ANKDD1B: variants seen among roughly 807,000 people sequenced by gnomAD.
ANKDD1B encodes ankyrin repeat and death domain containing 1B, also known as ankyrin repeat and death domain-containing protein 1B.
A neutral mutation model predicts 59.7 loss-of-function variants in ANKDD1B; 57 were observed. The ratio of observed to expected loss-of-function variants is 0.95; its 90% CI spans 0.77 to 1.19. The LOEUF (loss-of-function observed/expected upper bound fraction) is 1.19, where lower values mean the gene tolerates loss of function less well. Ranked by LOEUF, ANKDD1B falls within the 50% of genes most tolerant of loss-of-function variation. The probability of loss-of-function intolerance (pLI) is 0.00; values close to 1 mark genes in which losing one functional copy is unlikely to be tolerated. For synonymous variants in ANKDD1B, 216 were observed against 239.5 expected (o/e 0.90, Z 0.91); for missense variants, 602 against 641.9 (o/e 0.94, Z 0.67).
intron 11 of ANKDD1B, among the ~76,000 whole-genome samples, chr5:75,663,953 C>CA (rs1256318571): frequency 6.6e-6 from 1 of 152,306 alleles, no homozygotes; most frequent in East Asian, 1.9e-4. Context: ...TCTAAGAACA[C>CA]AAAAAAACTT....
rs1164054693 is a variant in ANKDD1B at position 75,632,100 on chromosome 5, CTG to C, written c.601-2796_601-2795del. On this transcript the variant is annotated intron_variant, in intron 5 of 13. Transcript: ENST00000601380. ...GCAGCCTGGGCAACAGAGCAAAACT[CTG>C]TCTCAAAAAAAAAAAAAAAAAGAAG... Among the ~76,000 whole-genome samples the C allele has an allele frequency of 3.5e-5, 5 of 141,402 alleles. No individual in the cohort carries two copies. The East Asian group carries it at 8.0e-4, about 23-fold the overall frequency. 92.8% of individuals were successfully genotyped at this position (141,402 alleles called of 152,430 possible).
Position 75,669,244 on chromosome 5 carries a change from T to C in ANKDD1B, c.1394-8T>C. 1 of 1,232,068 alleles carries C rather than the reference T, an allele frequency of 8.1e-7. No individual in the cohort carries two copies. The highest frequency in any genetic ancestry group is 1.0e-6 in the Non-Finnish European group (1 of 987,912). The allele number at this position is 1,232,068 out of a possible 1,614,324, so 76.3% of individuals were successfully genotyped here. On this transcript the variant is annotated splice_region_variant and splice_polypyrimidine_tract_variant and intron_variant, in intron 12 of 13. Transcript: ENST00000601380. The stretch of plus-strand genomic sequence containing the variant: ...TGTTTTACCTCGGACCTCTTGTGCT[T>C]GGCACAGGAAATGAAAGCTTCCGTG...
chr5:75,652,820 C>T (rs1774866269), intron 7 of ANKDD1B, among the ~76,000 whole-genome samples: 1 of 152,174 alleles, frequency 6.6e-6, no homozygotes, highest in Non-Finnish European at 1.5e-5. Flanking sequence ...ATTGTGTGAA[C>T]ATAAATAGAG....
chr5:75,639,848 C>A (rs533714463), intron 7 of ANKDD1B, among the ~76,000 whole-genome samples: 1 of 152,182 alleles, frequency 6.6e-6, no homozygotes, highest in African/African-American at 2.4e-5. Flanking sequence ...GAATTAAACT[C>A]TTACTTTGTC....
At chr5:75,649,057 C>G (rs968297913) in intron 7 of ANKDD1B, among the ~76,000 whole-genome samples, 1 of 152,142 alleles carries the variant, frequency 6.6e-6, no homozygotes, top group South Asian at 2.1e-4. Context: ...GGGCAACAGG[C>G]TCTCTTTAGG....
intron 5 of ANKDD1B, among the ~76,000 whole-genome samples, chr5:75,629,230 C>T (rs1435378609): frequency 6.6e-6 from 1 of 152,090 alleles, no homozygotes; most frequent in Non-Finnish European, 1.5e-5. Context: ...GTGTCTCCCA[C>T]CCCACCAGTG....
At chr5:75,663,916 CTG>C in intron 11 of ANKDD1B, among the ~76,000 whole-genome samples, 1 of 152,356 alleles carries the variant, frequency 6.6e-6, no homozygotes, top group South Asian at 2.1e-4. Context: ...CTCAAGTATT[CTG>C]TGAGAGTCAC....
intron 8 of ANKDD1B, among the ~76,000 whole-genome samples, chr5:75,655,024 C>T (rs1774930760): frequency 6.6e-6 from 1 of 152,178 alleles, no homozygotes; most frequent in Non-Finnish European, 1.5e-5. Flanking sequence ...CACTTCCCTT[C>T]GTTGTTTCTT....
Position 75,669,262 on chromosome 5 carries a change from C to T in ANKDD1B, c.1404C>T (p.Ser468=), listed in dbSNP as rs1023768693. Residue 468 remains serine, a synonymous_variant, in exon 13 of 14, where the codon AGC becomes AGT. Transcript: ENST00000601380. ...TTGTGCTTGGCACAGGAAATGAAAG[C>T]TTCCGTGAACATGGCCACAGGGCTC... ...AIEEQWSGNE[S]FREHGHRALL... 1.6e-6 allele frequency: 2 copies of T among 1,232,024 alleles called. No individual in the cohort carries two copies. Among genetic ancestry groups the T allele is most frequent in the African/African-American group, 3.1e-5 (2 of 64,406 alleles). 76.3% of individuals were successfully genotyped at this position (1,232,024 alleles called of 1,614,324 possible).
intron 7 of ANKDD1B, among the ~76,000 whole-genome samples, chr5:75,650,848 G>A (rs1774811833): frequency 6.6e-6 from 1 of 152,106 alleles, no homozygotes; most frequent in Non-Finnish European, 1.5e-5. Flanking sequence ...AGGATTCTTA[G>A]TTTGAGTTTA....
intron 3 of ANKDD1B, among the ~76,000 whole-genome samples, chr5:75,622,540 A>C (rs967415880): frequency 6.6e-6 from 1 of 152,100 alleles, no homozygotes; most frequent in Non-Finnish European, 1.5e-5. Flanking sequence ...GGAGGCTCTT[A>C]CTCCAGACAG....
chr5:75,639,393 C>T (rs1774403187), intron 7 of ANKDD1B, among the ~76,000 whole-genome samples: 1 of 152,122 alleles, frequency 6.6e-6, no homozygotes, highest in African/African-American at 2.4e-5. Context: ...GACAGGGTTT[C>T]ACCATGTTGA....
Position 75,611,695 on chromosome 5 carries a change from G to A in ANKDD1B, c.61G>A (p.Ala21Thr). The change falls in exon 1 of 14, where the codon GCT becomes ACT. Residue 21 changes from alanine (A) to threonine (T), a missense_variant. Around this residue, in one of 3 missense-constraint regions of ANKDD1B, gnomAD observed 317 missense variants for 304.6 expected, o/e 1.04. Coordinates refer to ENST00000601380, the MANE Select transcript of ANKDD1B (RefSeq NM_001276713.2). ...GATAGGLLLR[A>T]AAAAKGLRED... ...CACGGCAGGGGGGCTGCTGCTCCGG[G>A]CTGCTGCGGCCGCCAAGGGTCTCAG... 8.1e-7 allele frequency: 1 copy of A among 1,231,232 alleles called. No homozygotes were observed. Among genetic ancestry groups the A allele is most frequent in the Non-Finnish European group, 1.0e-6 (1 of 988,112 alleles). The allele number at this position is 1,231,232 out of a possible 1,614,324, so 76.3% of individuals were successfully genotyped here.
chr5:75,651,847 G>A (rs557244639), intron 7 of ANKDD1B, among the ~76,000 whole-genome samples: 1 of 152,352 alleles, frequency 6.6e-6, no homozygotes, highest in Admixed American at 6.5e-5. Context: ...GAGGTTGGAA[G>A]TCTGAGATCA....
At chr5:75,668,635 C>A (rs561531489) in intron 12 of ANKDD1B, among the ~76,000 whole-genome samples, 10 of 152,340 alleles carry the variant, frequency 6.6e-5, no homozygotes, top group Non-Finnish European at 8.8e-5. Context: ...CTGTTGGGAA[C>A]CACAGAGGCT....
chr5:75,658,611 C>T lies in ANKDD1B; in HGVS notation c.997-672C>T, dbSNP rs182583218. ...AAGGCAATAAAAATAAACTCTAATC[C>T]CTTCATCTAGACCTTATCATTAGCA... On this transcript the variant is annotated intron_variant, in intron 9 of 13. Transcript: ENST00000601380. 2.6e-3 allele frequency among the ~76,000 whole-genome samples: 389 copies of T among 151,982 alleles called. 1 individual carries two copies. Among genetic ancestry groups the T allele is most frequent in the Middle Eastern group, 6.8e-3 (2 of 294 alleles).
At chr5:75,624,219 C>T (rs546918168) in intron 3 of ANKDD1B, among the ~76,000 whole-genome samples, 7 of 152,294 alleles carry the variant, frequency 4.6e-5, no homozygotes, top group Non-Finnish European at 8.8e-5. Flanking sequence ...GAAGCTGAAG[C>T]TGAGAGTTAG....
intron 11 of ANKDD1B, among the ~76,000 whole-genome samples, chr5:75,664,533 A>G (rs6453138): frequency 0.06 from 9,185 of 152,114 alleles, 932 homozygotes; most frequent in African/African-American, 0.21. Context: ...TCCTATCCTC[A>G]GGCTCAATTT....
intron 1 of ANKDD1B, among the ~76,000 whole-genome samples, chr5:75,615,182 A>G (rs1382780717): frequency 6.6e-6 from 1 of 152,198 alleles, no homozygotes; most frequent in African/African-American, 2.4e-5. Context: ...TTGGAGAACT[A>G]GAGCAGCTGA....
Sources: allele counts gnomAD v4.1 joint callset (sites outside exome capture counted in the v4.1 genomes callset), GRCh38; gene constraint gnomAD v4.1.1; regional missense constraint gnomAD v4.1.1; transcripts MANE v1.5; gene names NCBI Gene and HGNC (gene_info 2026-07-23, HGNC 2026-07-21).